DYNC1I2: variants seen among roughly 807,000 people sequenced by gnomAD.
DYNC1I2 encodes dynein cytoplasmic 1 intermediate chain 2.
A neutral mutation model predicts 88.6 loss-of-function variants in DYNC1I2; 53 were observed. That is an observed-to-expected ratio of 0.60 (90% CI 0.48 to 0.75). The LOEUF (loss-of-function observed/expected upper bound fraction) is 0.75. Ranked by LOEUF, DYNC1I2 falls within the 30% of genes least tolerant of loss-of-function variation. The pLI is 0.00. For synonymous variants in DYNC1I2, 198 were observed against 254.6 expected (o/e 0.78, Z 2.12); for missense variants, 458 against 766.6 (o/e 0.60, Z 4.75).
intron 5 of DYNC1I2, among the ~76,000 whole-genome samples, chr2:171,711,482 A>G (rs1687124179): frequency 6.6e-6 from 1 of 152,232 alleles, no homozygotes; most frequent in Non-Finnish European, 1.5e-5. Context: ...CATCCTCAAC[A>G]AGGAATTTTA....
intron 7 of DYNC1I2, among the ~76,000 whole-genome samples, chr2:171,716,249 A>G (rs1301623347): frequency 6.6e-6 from 1 of 152,162 alleles, no homozygotes; most frequent in African/African-American, 2.4e-5. Context: ...ATATGTTAAC[A>G]CTCTAGTAGT....
At chr2:171,708,658 G>C (rs1457541765) in intron 5 of DYNC1I2, among the ~76,000 whole-genome samples, 1 of 151,590 alleles carries the variant, frequency 6.6e-6, no homozygotes, top group Non-Finnish European at 1.5e-5. Flanking sequence ...TTCATATTTT[G>C]TGCTTCTATA....
Sources: allele counts gnomAD v4.1 joint callset (sites outside exome capture counted in the v4.1 genomes callset), GRCh38; gene constraint gnomAD v4.1.1; transcripts MANE v1.5; gene names NCBI Gene and HGNC (gene_info 2026-07-23, HGNC 2026-07-21).